LRMDA: variants seen among roughly 807,000 people sequenced by gnomAD.
The protein encoded by LRMDA is leucine-rich melanocyte differentiation-associated protein.
A neutral mutation model predicts 29.8 loss-of-function variants in LRMDA; 18 were observed. The observed-to-expected ratio is 0.60, with a 90% CI of 0.42 to 0.90. The LOEUF is 0.90. LRMDA is among the 40% of genes least tolerant of loss of function. The probability of loss-of-function intolerance (pLI) is 0.00; values close to 1 mark genes in which losing one functional copy is unlikely to be tolerated. For synonymous variants in LRMDA, 125 were observed against 109.4 expected (o/e 1.14, Z -0.89); for missense variants, 273 against 273.9 (o/e 1.00, Z 0.02).
At chr10:76,039,002 T>C (rs1260983246) in intron 3 of LRMDA, among the ~76,000 whole-genome samples, 1 of 152,216 alleles carries the variant, frequency 6.6e-6, no homozygotes, top group Non-Finnish European at 1.5e-5. Context: ...AGGTTGGTAC[T>C]GGGTGTTGGC....
At chr10:75,502,818 A>G (rs990860486) in intron 2 of LRMDA, among the ~76,000 whole-genome samples, 2 of 152,156 alleles carry the variant, frequency 1.3e-5, no homozygotes, top group African/African-American at 4.8e-5. Context: ...CCTCCATGTC[A>G]TGGAAGTTTT....
chr10:76,374,053 C>T (rs549298785), intron 6 of LRMDA, among the ~76,000 whole-genome samples: 104 of 152,322 alleles, frequency 6.8e-4, no homozygotes, highest in Non-Finnish European at 1.2e-3. Context: ...CATAGATTAT[C>T]TATCTTCCAT....
intron 2 of LRMDA, among the ~76,000 whole-genome samples, chr10:75,760,365 G>C (rs1035841006): frequency 1.3e-5 from 2 of 152,182 alleles, no homozygotes; most frequent in African/African-American, 4.8e-5. Flanking sequence ...CAATTAGCTG[G>C]GTAATGGATG....
chr10:75,827,998 A>G (rs946695358), intron 2 of LRMDA, among the ~76,000 whole-genome samples: 7 of 152,338 alleles, frequency 4.6e-5, no homozygotes, highest in Admixed American at 3.9e-4. Flanking sequence ...TGGGGAACGC[A>G]GTAACTTTGC....
chr10:75,493,139 G>A (rs1261442674), intron 2 of LRMDA, among the ~76,000 whole-genome samples: 1 of 151,846 alleles, frequency 6.6e-6, no homozygotes, highest in African/African-American at 2.4e-5. Flanking sequence ...GCATATCTCG[G>A]GGCTGACTGC....
At chr10:76,278,434 A>G (rs1212892352) in intron 5 of LRMDA, among the ~76,000 whole-genome samples, 1 of 152,224 alleles carries the variant, frequency 6.6e-6, no homozygotes, top group African/African-American at 2.4e-5. Context: ...TGATATTATC[A>G]TCACTCATGT....
intron 6 of LRMDA, among the ~76,000 whole-genome samples, chr10:76,551,573 CT>C (rs1270424362): frequency 6.6e-6 from 1 of 152,134 alleles, no homozygotes; most frequent in Non-Finnish European, 1.5e-5. Flanking sequence ...AGTTGAAGGG[CT>C]TACAACTTCA....
intron 5 of LRMDA, among the ~76,000 whole-genome samples, chr10:76,166,105 C>G (rs1043088394): frequency 1.3e-5 from 2 of 152,124 alleles, no homozygotes; most frequent in African/African-American, 4.8e-5. Flanking sequence ...TCCTGAGAGA[C>G]TCCACCCACT....
chr10:76,407,268 G>A (rs779054838), intron 6 of LRMDA, among the ~76,000 whole-genome samples: 1 of 152,196 alleles, frequency 6.6e-6, no homozygotes, highest in Admixed American at 6.5e-5. Context: ...TGCTCCATAT[G>A]TGGGAAGACT....
At chr10:76,543,913 C>A (rs151091522) in intron 6 of LRMDA, among the ~76,000 whole-genome samples, 4 of 152,164 alleles carry the variant, frequency 2.6e-5, no homozygotes, top group Admixed American at 6.5e-5. Context: ...GAGCCCCCCC[C>A]AGGAGAGGTC....
At chr10:75,672,914 A>G (rs1350926855) in intron 2 of LRMDA, among the ~76,000 whole-genome samples, 1 of 147,728 alleles carries the variant, frequency 6.8e-6, no homozygotes, top group African/African-American at 2.5e-5. Context: ...AATGGTTCCT[A>G]GTTCCTCTCG....
chr10:75,634,543 A>G (rs955457855), intron 2 of LRMDA, among the ~76,000 whole-genome samples: 1 of 152,150 alleles, frequency 6.6e-6, no homozygotes, highest in Non-Finnish European at 1.5e-5. Flanking sequence ...ACCAGTCCTC[A>G]CCTGGCTCAA....
At chr10:76,451,560 G>A (rs561274169) in intron 6 of LRMDA, among the ~76,000 whole-genome samples, 1 of 151,938 alleles carries the variant, frequency 6.6e-6, no homozygotes, top group Admixed American at 6.6e-5. Context: ...GAGCAAGCTA[G>A]GGAGCCAGAT....
chr10:75,994,467 C>G (rs1028158785), intron 2 of LRMDA, among the ~76,000 whole-genome samples: 34 of 152,290 alleles, frequency 2.2e-4, no homozygotes, highest in Middle Eastern at 3.4e-3. Flanking sequence ...GGTGATCCTG[C>G]AATCAGTGGG....
intron 6 of LRMDA, among the ~76,000 whole-genome samples, chr10:76,435,773 A>T (rs1842238476): frequency 6.6e-6 from 1 of 152,194 alleles, no homozygotes; most frequent in Non-Finnish European, 1.5e-5. Flanking sequence ...AGTTCTCAGA[A>T]GACATTATCC....
chr10:75,525,278 A>G (rs1188259717), intron 2 of LRMDA, among the ~76,000 whole-genome samples: 2 of 152,176 alleles, frequency 1.3e-5, no homozygotes, highest in East Asian at 3.9e-4. Context: ...TTCAGGGCTG[A>G]CTCAGAATGA....
chr10:75,577,653 C>G (rs1356116052), intron 2 of LRMDA, among the ~76,000 whole-genome samples: 1 of 152,096 alleles, frequency 6.6e-6, no homozygotes, highest in Non-Finnish European at 1.5e-5. Flanking sequence ...GTCGGGTTAC[C>G]CACAAAGGGA....
chr10:75,793,833 A>G (rs1843607314), intron 2 of LRMDA, among the ~76,000 whole-genome samples: 1 of 152,232 alleles, frequency 6.6e-6, no homozygotes, highest in Admixed American at 6.5e-5. Flanking sequence ...CAGGAGTGAG[A>G]AATAAACCGT....
chr10:75,555,740 A>C (rs980327606), intron 2 of LRMDA, among the ~76,000 whole-genome samples: 11 of 152,330 alleles, frequency 7.2e-5, no homozygotes, highest in Admixed American at 7.2e-4. Flanking sequence ...CACAATCAAC[A>C]GAGATCAACT....
Sources: gnomAD v4.1 joint callset for allele counts (sites outside exome capture counted in the v4.1 genomes callset) on GRCh38, gnomAD v4.1.1 for gene constraint, MANE v1.5 for transcripts, NCBI Gene and HGNC (gene_info 2026-07-23, HGNC 2026-07-21) for gene names.